Variants in PDE10A observed in about 807,000 individuals in gnomAD.
The protein encoded by PDE10A is cAMP and cAMP-inhibited cGMP 3',5'-cyclic phosphodiesterase 10A.
In PDE10A, 39 loss-of-function variants were observed where a neutral mutation model predicts 97.7. The ratio of observed to expected loss-of-function variants is 0.40; its 90% CI spans 0.31 to 0.52. PDE10A has a LOEUF of 0.52. Among genes scored for constraint, PDE10A ranks in the 20% least tolerant of loss-of-function variants. The pLI, the probability that PDE10A is intolerant of heterozygous loss-of-function variation, is 0.56. For synonymous variants in PDE10A, 371 were observed against 376.8 expected (o/e 0.98, Z 0.18); for missense variants, 731 against 1,047.8 (o/e 0.70, Z 4.17).
At chr6:165,437,210 T>G (rs1217835785) in intron 5 of PDE10A, among the ~76,000 whole-genome samples, 1 of 151,710 alleles carries the variant, frequency 6.6e-6, no homozygotes, top group Non-Finnish European at 1.5e-5. Context: ...CTGCATTTGT[T>G]TGTTTGAAAA....
At chr6:165,457,726 C>T (rs1254074276) in intron 3 of PDE10A, among the ~76,000 whole-genome samples, 1 of 152,082 alleles carries the variant, frequency 6.6e-6, no homozygotes, top group Non-Finnish European at 1.5e-5. Flanking sequence ...ACTCTCTTGC[C>T]TAGGGGGAAA....
chr6:165,819,147 A>C lies in PDE10A; in HGVS notation c.-615+168382T>G, dbSNP rs2128468781. Among the ~76,000 whole-genome samples, 1 of 152,168 alleles carries C rather than the reference A, an allele frequency of 6.6e-6. No individual in the cohort carries two copies. The highest frequency in any genetic ancestry group is 2.1e-4 in the South Asian group (1 of 4,806). ...AGTATTTCCAAAACCAGTTTTCAAA[A>C]CCGAGTTCATCTCTGCACCTGCTCC... On this transcript the variant is annotated intron_variant, in intron 1 of 19. Transcript: ENST00000366882. This position sits in a 1 kb window ranked among gnomAD's most constrained non-coding sequence, Gnocchi z 4.2.
At chr6:165,900,093 G>A (rs1313004616) in intron 1 of PDE10A, among the ~76,000 whole-genome samples, 1 of 152,188 alleles carries the variant, frequency 6.6e-6, no homozygotes, top group Non-Finnish European at 1.5e-5. Flanking sequence ...CTGTGAGGGT[G>A]ATGGGGGCTG....
At chr6:165,953,322 G>A (rs1165279936) in intron 1 of PDE10A, among the ~76,000 whole-genome samples, 1 of 152,202 alleles carries the variant, frequency 6.6e-6, no homozygotes, top group African/African-American at 2.4e-5. Flanking sequence ...CAGGCACAGT[G>A]GCTCACGCCT....
intron 21 of PDE10A, 117 bp downstream of exon 21, chr6:165,336,006 C>T (rs1326606585): frequency 1.2e-6 from 1 of 836,232 alleles, no homozygotes; most frequent in South Asian, 1.4e-5. Flanking sequence ...CTGAGCACAA[C>T]AACTCGACAT....
At chr6:165,631,129 T>C (rs1788609774) in intron 1 of PDE10A, among the ~76,000 whole-genome samples, 2 of 152,240 alleles carry the variant, frequency 1.3e-5, no homozygotes, top group South Asian at 2.1e-4. Flanking sequence ...GCATTTTGCA[T>C]TGCTCTCTGT....
chr6:165,458,998 A>G (rs1454672525), intron 3 of PDE10A, among the ~76,000 whole-genome samples: 1 of 59,576 alleles, frequency 1.7e-5, no homozygotes, highest in Non-Finnish European at 3.4e-5. Flanking sequence ...CTTTCAACGT[A>G]CAACAGTTCC....
At position 165,568,340 on chromosome 6, in the gene PDE10A, T is replaced by A. The variant is rs186267320; in HGVS notation, c.866-24772A>T. On this transcript the variant is annotated intron_variant, in intron 1 of 21. Transcript: ENST00000539869. ...ACTAAGTATAGTATACCCACCCTCC[T>A]TATCCACGGTTTCACTTTCTGCAGT... Among the ~76,000 whole-genome samples the A allele has an allele frequency of 1.7e-3, 254 of 152,240 alleles. 1 individual carries two copies. The highest frequency in any genetic ancestry group is 5.7e-3 in the African/African-American group (235 of 41,546).
chr6:165,814,495 G>A (rs6940601), intron 1 of PDE10A, among the ~76,000 whole-genome samples: 57,230 of 151,858 alleles, frequency 0.38, 11,478 homozygotes, highest in Non-Finnish European at 0.44. Context: ...GAAAGACAAG[G>A]AATCATTTAC....
chr6:165,571,247 T>G (rs1227506054), intron 1 of PDE10A, among the ~76,000 whole-genome samples: 4 of 152,228 alleles, frequency 2.6e-5, no homozygotes, highest in Non-Finnish European at 5.9e-5. Context: ...ATCTGTCCTC[T>G]GCCTTGCTTA....
chr6:165,674,942 T>A (rs1466220887), intron 1 of PDE10A, among the ~76,000 whole-genome samples: 1 of 152,186 alleles, frequency 6.6e-6, no homozygotes, highest in East Asian at 1.9e-4. Context: ...TCTCTCTGAG[T>A]CATTGCCTTG....
intron 13 of PDE10A, among the ~76,000 whole-genome samples, chr6:165,413,139 A>G (rs779104603): frequency 1.3e-5 from 2 of 152,140 alleles, no homozygotes; most frequent in Non-Finnish European, 2.9e-5. Context: ...CTTTTGTGTA[A>G]GGATCTCAAA....
intron 1 of PDE10A, among the ~76,000 whole-genome samples, chr6:165,968,096 G>A (rs571943848): frequency 1.3e-5 from 2 of 152,322 alleles, no homozygotes; most frequent in East Asian, 3.9e-4. Context: ...GCACAGAAAG[G>A]TTGGTATTAG....
intron 1 of PDE10A, among the ~76,000 whole-genome samples, chr6:165,808,569 A>G (rs927214155): frequency 7.2e-5 from 11 of 152,184 alleles, no homozygotes; most frequent in African/African-American, 1.9e-4. Context: ...TTGTGATTCT[A>G]TCCTGTTTTC....
intron 1 of PDE10A, among the ~76,000 whole-genome samples, chr6:165,833,496 A>T (rs2084385470): frequency 6.6e-6 from 1 of 152,252 alleles, no homozygotes; most frequent in Non-Finnish European, 1.5e-5. Context: ...AACTTCTCCC[A>T]GGTGCTGGAT....
chr6:165,600,467 G>C (rs1786879355), intron 1 of PDE10A, among the ~76,000 whole-genome samples: 1 of 152,226 alleles, frequency 6.6e-6, no homozygotes, highest in African/African-American at 2.4e-5. Flanking sequence ...TTGTGTGTGT[G>C]TGGCTGTGCA....
chr6:165,835,456 A>G (rs1780039631), intron 1 of PDE10A, among the ~76,000 whole-genome samples: 1 of 152,166 alleles, frequency 6.6e-6, no homozygotes, highest in Non-Finnish European at 1.5e-5. Context: ...TCCTGAGGCC[A>G]AGGCGAGGAC....
At chr6:165,899,494 T>C (rs1782046584) in intron 1 of PDE10A, among the ~76,000 whole-genome samples, 1 of 152,228 alleles carries the variant, frequency 6.6e-6, no homozygotes, top group Non-Finnish European at 1.5e-5. Flanking sequence ...TGTCACTGCA[T>C]CTACCTTCCT....
chr6:165,619,031 A>AGTGTAGTGTAGTGTAGTCTAGTGTG (rs1787869575), intron 1 of PDE10A, among the ~76,000 whole-genome samples: 1 of 151,830 alleles, frequency 6.6e-6, no homozygotes, highest in Admixed American at 6.6e-5. Context: ...AGCATAGTCT[A>AGTGTAGTGTAGTGTAGTCTAGTGTG]GTGTAGTGTA....
Sources: gnomAD v4.1 joint callset for allele counts (sites outside exome capture counted in the v4.1 genomes callset) on GRCh38, gnomAD v4.1.1 for gene constraint, Gnocchi (gnomAD v3.1) non-coding constraint, MANE v1.5 for transcripts, NCBI Gene and HGNC (gene_info 2026-07-23, HGNC 2026-07-21) for gene names.